Variants in CPT1A observed in about 807,000 individuals in gnomAD.
The protein encoded by CPT1A is carnitine O-palmitoyltransferase 1, liver isoform.
CPT1A carries 64 observed loss-of-function variants against 100.8 expected under a neutral mutation model. That is an observed-to-expected ratio of 0.63 (90% CI 0.52 to 0.78). The LOEUF is 0.78. CPT1A is among the 30% of genes least tolerant of loss of function. The pLI is 0.00. For synonymous variants in CPT1A, 363 were observed against 396.0 expected, an observed-to-expected ratio of 0.92 and a Z score of 0.99; for missense variants, 802 against 1,034.1, an observed-to-expected ratio of 0.78 and a Z score of 3.08.
rs71465403 is a variant in CPT1A, at chr11:68,790,044, T to C, written c.967+3271A>G. 8.3e-3 allele frequency among the ~76,000 whole-genome samples: 1,268 copies of C among 152,262 alleles called. 7 individuals carry two copies. Among genetic ancestry groups the C allele is most frequent in the Non-Finnish European group, 0.014 (965 of 68,014 alleles). Reference sequence around the variant, plus strand: ...TCTAGCCCTGGTACCTGTGAAAACCTTATTTCTTAATCGGAAGTAGGGTCT... The same window carrying C: ...TCTAGCCCTGGTACCTGTGAAAACCCTATTTCTTAATCGGAAGTAGGGTCT... On this transcript the variant is annotated intron_variant, in intron 9 of 18. Coordinates refer to ENST00000265641, the MANE Select transcript of CPT1A (RefSeq NM_001876.4).
chr11:68,759,817 C>G (rs145551110), intron 17 of CPT1A, among the ~76,000 whole-genome samples, 156 bp from the exon 18 acceptor site: 1 of 151,962 alleles, frequency 6.6e-6, no homozygotes, highest in Non-Finnish European at 1.5e-5. Flanking sequence ...CACTTGAGCC[C>G]AGGGGTTCGA....
In CPT1A at chr11:68,762,771, G is replaced by C; in HGVS notation, c.1741-10C>G. On this transcript the variant is annotated splice_polypyrimidine_tract_variant and intron_variant, in intron 14 of 18. Coordinates refer to ENST00000265641, the MANE Select transcript of CPT1A (RefSeq NM_001876.4). ...AAAACTTGCCCATGTCCTGGGGAAA[G>C]AGAAGTACTTCAGTGCACGGCAGGG... The C allele has an allele frequency of 6.2e-7, 1 of 1,614,060 alleles. No individual in the cohort carries two copies. Among genetic ancestry groups the C allele is most frequent in the Non-Finnish European group, 8.5e-7 (1 of 1,180,042 alleles).
chr11:68,769,425 A>AT (rs1001549564), intron 14 of CPT1A, among the ~76,000 whole-genome samples: 12 of 82,816 alleles, frequency 1.4e-4, no homozygotes, highest in Non-Finnish European at 3.1e-4. Context: ...TTTTTTTTGT[A>AT]TTTTTTGTAC....
intron 1 of CPT1A, chr11:68,839,823 T>TCCGGGG (rs1166326721): frequency 5.6e-6 from 3 of 532,674 alleles, no homozygotes; most frequent in African/African-American, 4.1e-5. Flanking sequence ...TGACCACTGG[T>TCCGGGG]CCGGGGCCGG....
rs71043448 is a variant in CPT1A, at chr11:68,768,066, CTTTTTTTTTT to C, written c.1740+5189_1740+5198del. 8.1e-3 allele frequency among the ~76,000 whole-genome samples: 578 copies of C among 71,268 alleles called. 6 individuals are homozygous for C. The highest frequency in any genetic ancestry group is 0.029 in the African/African-American group (470 of 16,402). The allele number at this position is 71,268 out of a possible 152,430, so 46.8% of individuals were successfully genotyped here. A position where few individuals can be genotyped will look rare whatever the true frequency, so the allele number is the denominator to read the frequency against. ...TCTCAGACACTTTCTAGTTTCCAGT[CTTTTTTTTTT>C]TTTTTTTTTTTTTTTTTGAGAGGGA... On this transcript the variant is annotated intron_variant, in intron 14 of 18. Transcript: ENST00000265641.
intron 1 of CPT1A, among the ~76,000 whole-genome samples, chr11:68,819,373 C>A (rs1468472070): frequency 2.0e-5 from 3 of 152,152 alleles, no homozygotes; most frequent in Non-Finnish European, 2.9e-5. Flanking sequence ...AGCCACCACG[C>A]CCCGCCTCAA....
At chr11:68,833,832 T>C (rs1362091418) in intron 1 of CPT1A, among the ~76,000 whole-genome samples, 3 of 152,198 alleles carry the variant, frequency 2.0e-5, no homozygotes, top group Non-Finnish European at 4.4e-5. Context: ...GAGGGTTTCA[T>C]GTACAAGAAA....
rs578152327 is a variant in CPT1A, at chr11:68,839,826, G to A, written c.-14+1949C>T. Reference sequence around the variant, plus strand: ...TTGACCGCTCGGTGACCACTGGTCCGGGGCCGGGGCCAAACGCAGCAGCCG... The same window carrying A: ...TTGACCGCTCGGTGACCACTGGTCCAGGGCCGGGGCCAAACGCAGCAGCCG... On this transcript the variant is annotated intron_variant, in intron 1 of 18. Coordinates refer to ENST00000265641, the MANE Select transcript of CPT1A (RefSeq NM_001876.4). 3.3e-5 allele frequency: 15 copies of A among 448,894 alleles called. No homozygotes were observed. In the South Asian group the frequency reaches 1.3e-3, roughly 39 times the overall value. 27.8% of individuals were successfully genotyped at this position (448,894 alleles called of 1,614,324 possible).
At chr11:68,795,061 A>G (rs542057217) in intron 7 of CPT1A, 150 bp from the exon 8 acceptor site, 25 of 703,420 alleles carry the variant, frequency 3.6e-5, no homozygotes, top group Admixed American at 2.5e-4. Context: ...TACAAAATAA[A>G]TGGTAATTTG....
chr11:68,825,890 G>A (rs1856714064), intron 1 of CPT1A, among the ~76,000 whole-genome samples: 1 of 152,220 alleles, frequency 6.6e-6, no homozygotes, highest in Non-Finnish European at 1.5e-5. Flanking sequence ...GGGGACTGCA[G>A]AAGACACGGG....
intron 1 of CPT1A, among the ~76,000 whole-genome samples, chr11:68,825,644 C>G (rs1009586494): frequency 3.3e-5 from 5 of 152,120 alleles, no homozygotes; most frequent in African/African-American, 1.2e-4. Context: ...AAAGCAGGGC[C>G]TCCCCCCAGT....
chr11:68,782,063 C>A (rs968649217), intron 10 of CPT1A, 104 bp from the exon 11 acceptor site: 121 of 1,101,896 alleles, frequency 1.1e-4, no homozygotes, highest in Non-Finnish European at 1.5e-4. Flanking sequence ...CAGAATTTCT[C>A]GAAGGAAAAC....
chr11:68,784,224 G>C (rs1855389260), intron 10 of CPT1A, among the ~76,000 whole-genome samples: 1 of 152,176 alleles, frequency 6.6e-6, no homozygotes, highest in African/African-American at 2.4e-5. Context: ...GTTTCCATTT[G>C]TTCTGTTTCC....
intron 12 of CPT1A, among the ~76,000 whole-genome samples, chr11:68,779,979 G>T (rs142667866): frequency 6.6e-6 from 1 of 152,164 alleles, no homozygotes; most frequent in African/African-American, 2.4e-5. Context: ...TAAAAAATGC[G>T]GTAGGTAGGA....
intron 4 of CPT1A, 94 bp downstream of exon 4, chr11:68,807,373 G>A: frequency 7.7e-7 from 1 of 1,301,466 alleles, no homozygotes. Flanking sequence ...CATAGAGGGA[G>A]AAAAGGTCGC....
intron 1 of CPT1A, among the ~76,000 whole-genome samples, chr11:68,816,653 T>C (rs1856398811): frequency 6.6e-6 from 1 of 151,994 alleles, no homozygotes; most frequent in South Asian, 2.1e-4. Flanking sequence ...TCACGGTGCC[T>C]CCTCCACCTC....
At position 68,817,275 on chromosome 11, in the gene CPT1A, G is replaced by A. The variant is rs771900802; in HGVS notation, c.-13-1788C>T. On this transcript the variant is annotated intron_variant, in intron 1 of 18. Transcript: ENST00000265641. ...GAGATCAAAATCAGTGGCTATCACA[G>A]TTTCAAAGATCCCCTGTTACAGAAA... 6.8e-4 allele frequency among the ~76,000 whole-genome samples: 103 copies of A among 152,210 alleles called. 1 individual carries two copies. The highest frequency in any genetic ancestry group is 1.3e-4 in the Non-Finnish European group (9 of 68,028).
chr11:68,827,260 G>A (rs1436365776), intron 1 of CPT1A, among the ~76,000 whole-genome samples: 1 of 152,102 alleles, frequency 6.6e-6, no homozygotes, highest in African/African-American at 2.4e-5. Context: ...ACAAGCCCGG[G>A]AGGTTGAGGC....
At chr11:68,773,561 T>C in intron 13 of CPT1A, 132 bp from the exon 14 acceptor site, 1 of 1,511,526 alleles carries the variant, frequency 6.6e-7, no homozygotes, top group Admixed American at 2.0e-5. Context: ...AACGTTTTCC[T>C]GACCCAGAAG....
Sources: allele counts gnomAD v4.1 joint callset (sites outside exome capture counted in the v4.1 genomes callset), GRCh38; gene constraint gnomAD v4.1.1; transcripts MANE v1.5; gene names NCBI Gene and HGNC (gene_info 2026-07-23, HGNC 2026-07-21).